Variants in APPBP2 observed in about 807,000 individuals in gnomAD.
APPBP2 encodes the protein amyloid protein-binding protein 2.
In APPBP2, 15 loss-of-function variants were observed where a neutral mutation model predicts 76.0. The observed-to-expected ratio is 0.20, with a 90% confidence interval of 0.13 to 0.30. APPBP2 has a LOEUF of 0.30. Ranked by LOEUF, APPBP2 falls within the 10% of genes least tolerant of loss-of-function variation. The probability of loss-of-function intolerance (pLI) is 1.00; values close to 1 mark genes in which losing one functional copy is unlikely to be tolerated. For missense variants in APPBP2, 401 were observed against 687.2 expected (o/e 0.58, Z 4.66); for synonymous variants, 222 against 242.2 (o/e 0.92, Z 0.77).
chr17:60,493,554 G>T (rs546193476), intron 3 of APPBP2, among the ~76,000 whole-genome samples: 1 of 151,650 alleles, frequency 6.6e-6, no homozygotes, highest in East Asian at 1.9e-4. Context: ...GGCTGGTCTC[G>T]AACTCCTGGG....
intron 1 of APPBP2, among the ~76,000 whole-genome samples, chr17:60,511,014 A>ATACC (rs2143481633): frequency 6.6e-6 from 1 of 152,340 alleles, no homozygotes; most frequent in African/African-American, 2.4e-5. Flanking sequence ...CTCCAACTCT[A>ATACC]TACCTCACTT....
In APPBP2 at chr17:60,443,629, A is replaced by G. The variant is rs1183479711; in HGVS notation, c.*3952T>C. The G allele has an allele frequency of 1.3e-5, 2 of 152,660 alleles. No individual in the cohort carries two copies. The highest frequency in any genetic ancestry group is 4.8e-5 in the African/African-American group (2 of 41,458). 9.5% of individuals were successfully genotyped at this position (152,660 alleles called of 1,614,324 possible). On this transcript the variant is annotated 3_prime_UTR_variant, in exon 13 of 13. Coordinates refer to ENST00000083182, the MANE Select transcript of APPBP2 (RefSeq NM_006380.5). ...ATAAAAGGAATATACAGAAATGAGT[A>G]ATGTTACACAAACGGTACCTGCAAT...
At chr17:60,480,347 T>C (rs2090619602) in intron 3 of APPBP2, among the ~76,000 whole-genome samples, 1 of 152,142 alleles carries the variant, frequency 6.6e-6, no homozygotes, top group South Asian at 2.1e-4. Context: ...CCCTCCAGCC[T>C]GGGCAACAGA....
At chr17:60,505,607 G>A (rs1357396466) in intron 1 of APPBP2, among the ~76,000 whole-genome samples, 2 of 149,720 alleles carry the variant, frequency 1.3e-5, no homozygotes, top group East Asian at 2.0e-4. Context: ...GAGCCATCGC[G>A]CCTGGCCCAT....
intron 11 of APPBP2, among the ~76,000 whole-genome samples, chr17:60,452,760 C>T (rs971903122): frequency 6.6e-6 from 1 of 152,018 alleles, no homozygotes; most frequent in African/African-American, 2.4e-5. Flanking sequence ...AGGGCAAGAC[C>T]CTGTCTCTAC....
chr17:60,523,650 G>C (rs557771412), intron 1 of APPBP2, among the ~76,000 whole-genome samples: 1 of 152,086 alleles, frequency 6.6e-6, no homozygotes, highest in African/African-American at 2.4e-5. Flanking sequence ...GCAAAACAGC[G>C]AGACCCCATC....
Position 60,503,248 on chromosome 17 carries a change from T to C in APPBP2, c.139-2761A>G, listed in dbSNP as rs564488668. Among the ~76,000 whole-genome samples the C allele has an allele frequency of 1.5e-4, 22 of 146,068 alleles. 2 individuals are homozygous for C. The highest frequency in any genetic ancestry group is 7.3e-4 in the Admixed American group (11 of 15,070). On this transcript the variant is annotated intron_variant, in intron 1 of 12. Coordinates refer to ENST00000083182, the MANE Select transcript of APPBP2 (RefSeq NM_006380.5). The stretch of plus-strand genomic sequence containing the variant: ...GGATGGTCTCGATTTCTTGACCTCA[T>C]GATCCGCCCGCCTCAGCCTTCCAAA...
intron 4 of APPBP2, among the ~76,000 whole-genome samples, chr17:60,475,278 G>A (rs1201113353): frequency 1.3e-5 from 2 of 151,966 alleles, no homozygotes; most frequent in Non-Finnish European, 2.9e-5. Context: ...AACATGACAT[G>A]ACATAACATA....
At chr17:60,522,584 G>C (rs890628353) in intron 1 of APPBP2, among the ~76,000 whole-genome samples, 41 of 152,248 alleles carry the variant, frequency 2.7e-4, no homozygotes, top group African/African-American at 8.9e-4. Context: ...GCTTCCCAAA[G>C]TGTTGGAATT....
chr17:60,521,847 C>T (rs2091012382), intron 1 of APPBP2, among the ~76,000 whole-genome samples: 1 of 152,154 alleles, frequency 6.6e-6, no homozygotes, highest in African/African-American at 2.4e-5. Context: ...AATTTATCTT[C>T]TTCCAATGTG....
chr17:60,484,087 A>G lies in APPBP2; in HGVS notation c.380-4816T>C, dbSNP rs150969632. On this transcript the variant is annotated intron_variant, in intron 3 of 12. Transcript: ENST00000083182. ...GGGCTGTGTTCTGTTCCACTGGTCTATATCTGTTTTGGTACCAGTACCACG... is the reference window on the plus strand; with the variant it reads ...GGGCTGTGTTCTGTTCCACTGGTCTGTATCTGTTTTGGTACCAGTACCACG... 1.8e-3 allele frequency among the ~76,000 whole-genome samples: 277 copies of G among 152,244 alleles called. 1 individual carries two copies. The highest frequency in any genetic ancestry group is 6.5e-3 in the African/African-American group (269 of 41,544).
rs368181213 is a variant in APPBP2, at chr17:60,469,175, A to G, written c.504-2716T>C. ...CGTCTCTACTAAAAATACAAAAAAA[A>G]ATTAGCTTGGCATGGTGGTGCGTGC... On this transcript the variant is annotated intron_variant, in intron 4 of 12. Transcript: ENST00000083182. Among the ~76,000 whole-genome samples the G allele has an allele frequency of 2.6e-5, 4 of 152,000 alleles. No homozygotes were observed. The East Asian group carries it at 5.8e-4, about 22-fold the overall frequency.
At chr17:60,513,564 T>C (rs1031421489) in intron 1 of APPBP2, 4 of 452,520 alleles carry the variant, frequency 8.8e-6, no homozygotes, top group Non-Finnish European at 1.6e-5. Flanking sequence ...CAATGTTTTC[T>C]ACATTTTTAT....
chr17:60,492,517 G>T (rs934116823), intron 3 of APPBP2, among the ~76,000 whole-genome samples: 3 of 152,206 alleles, frequency 2.0e-5, no homozygotes, highest in African/African-American at 7.2e-5. Context: ...AGCTGCCCAA[G>T]ACCATGGGAA....
intron 4 of APPBP2, among the ~76,000 whole-genome samples, chr17:60,472,277 G>A (rs193102188): frequency 5.6e-4 from 85 of 152,332 alleles, no homozygotes; most frequent in Middle Eastern, 6.8e-3. Context: ...GAATTCACTA[G>A]TGAAGTCTTC....
At chr17:60,492,015 C>T (rs530036980) in intron 3 of APPBP2, among the ~76,000 whole-genome samples, 10 of 152,188 alleles carry the variant, frequency 6.6e-5, no homozygotes, top group Non-Finnish European at 1.5e-4. Context: ...CCAGGGCCCC[C>T]CTGCTGTGTG....
rs576968601 is a variant in APPBP2 at position 60,454,774 on chromosome 17, T to C, written c.1148-282A>G. Among the ~76,000 whole-genome samples the C allele has an allele frequency of 2.0e-5, 3 of 152,236 alleles. No homozygotes were observed. In the South Asian group the frequency reaches 6.2e-4, roughly 31 times the overall value. ...ATTTTAATAGACTGCTATACTTTGC[T>C]GATGTGAAATTTGTTTTTCAAATTA... On this transcript the variant is annotated intron_variant, in intron 10 of 12. Coordinates refer to ENST00000083182, the MANE Select transcript of APPBP2 (RefSeq NM_006380.5).
rs1023030907 is a variant in APPBP2, at chr17:60,456,481, C to A, written c.1062-100G>T. 9.1e-6 allele frequency: 7 copies of A among 767,082 alleles called. No homozygotes were observed. The Admixed American group carries it at 1.4e-4, about 15-fold the overall frequency. 47.5% of individuals were successfully genotyped at this position (767,082 alleles called of 1,614,324 possible). On this transcript the variant is annotated intron_variant, in intron 9 of 12. Transcript: ENST00000083182. ...TGTAATATAATATTGATAGAAAGTA[C>A]TTCTAAAACTATCTGTGGTAAAGAT...
Position 60,500,467 on chromosome 17 carries a change from T to C in APPBP2, c.159A>G (p.Leu53=), listed in dbSNP as rs879101666. 2 of 1,609,520 alleles carry C rather than the reference T, an allele frequency of 1.2e-6. No homozygotes were observed. The highest frequency in any genetic ancestry group is 1.1e-5 in the South Asian group (1 of 89,486). ...CACAAAATTCACTGCCCAGTTGACATAAGCGTCCCTGTTGGTAAAGCTGAA... is the reference window on the plus strand; with the variant it reads ...CACAAAATTCACTGCCCAGTTGACACAAGCGTCCCTGTTGGTAAAGCTGAA... ...VYYKLYQQGR[L]CQLGSEFCEL... The change falls in exon 2 of 13, where the codon TTA becomes TTG. Residue 53 remains leucine (L), a synonymous_variant. Transcript: ENST00000083182.
Sources: gnomAD v4.1 joint callset for allele counts (sites outside exome capture counted in the v4.1 genomes callset) on GRCh38, gnomAD v4.1.1 for gene constraint, MANE v1.5 for transcripts, NCBI Gene and HGNC (gene_info 2026-07-23, HGNC 2026-07-21) for gene names.